The following STAG1 variants were observed in gnomAD, a reference collection of about 807,000 sequenced individuals.
STAG1 encodes the protein cohesin subunit SA-1.
A neutral mutation model predicts 170.9 loss-of-function variants in STAG1; 26 were observed. The observed-to-expected ratio is 0.15, with a 90% CI of 0.11 to 0.21. The LOEUF (loss-of-function observed/expected upper bound fraction) is 0.21. Among genes scored for constraint, STAG1 ranks in the 10% least tolerant of loss-of-function variants. STAG1 has a pLI of 1.00. For synonymous variants in STAG1, 514 were observed against 497.7 expected (o/e 1.03, Z -0.44); for missense variants, 964 against 1,509.5 (o/e 0.64, Z 5.99).
intron 4 of STAG1, among the ~76,000 whole-genome samples, chr3:136,585,374 G>A (rs139903461): frequency 4.2e-4 from 64 of 152,078 alleles, no homozygotes; most frequent in Non-Finnish European, 6.8e-4. Context: ...CCCGGGAGGC[G>A]GAGGTTGCAG....
chr3:136,712,358 C>T (rs1046629895), intron 1 of STAG1, among the ~76,000 whole-genome samples: 6 of 152,056 alleles, frequency 3.9e-5, no homozygotes, highest in African/African-American at 1.4e-4. Flanking sequence ...TATAAAAAGG[C>T]ACCACAGGCA....
chr3:136,467,866 T>C (rs976932229), intron 12 of STAG1, among the ~76,000 whole-genome samples: 2 of 152,254 alleles, frequency 1.3e-5, no homozygotes, highest in Middle Eastern at 3.4e-3. Context: ...CACTCAAAAC[T>C]GCTCAACTAC....
intron 1 of STAG1, among the ~76,000 whole-genome samples, chr3:136,745,571 T>A (rs577523416): frequency 1.3e-5 from 2 of 152,304 alleles, no homozygotes; most frequent in African/African-American, 4.8e-5. Context: ...TTTGCACTCA[T>A]ATGACAATCT....
intron 12 of STAG1, among the ~76,000 whole-genome samples, chr3:136,467,740 A>G (rs1375696938): frequency 6.6e-6 from 1 of 152,202 alleles, no homozygotes; most frequent in African/African-American, 2.4e-5. Flanking sequence ...TTATTCCAAA[A>G]TTGACCACAT....
At chr3:136,396,215 T>TTGTTTTTG (rs1411641933) in intron 22 of STAG1, among the ~76,000 whole-genome samples, 80 of 143,720 alleles carry the variant, frequency 5.6e-4, no homozygotes, top group African/African-American at 2.0e-3. Context: ...CACAGTTTTT[T>TTGTTTTTG]TTTTTTTTTT....
At chr3:136,521,455 T>C in intron 6 of STAG1, 38 bp from the exon 7 acceptor site, 4 of 1,582,280 alleles carry the variant, frequency 2.5e-6, no homozygotes, top group South Asian at 2.3e-5. Context: ...GTATGTCACA[T>C]TACAGAGTTT....
intron 1 of STAG1, among the ~76,000 whole-genome samples, chr3:136,677,939 ATAT>A (rs949139837): frequency 1.6e-4 from 23 of 147,480 alleles, no homozygotes; most frequent in East Asian, 1.6e-3. Flanking sequence ...TATATATTAT[ATAT>A]TATATTTTAT....
chr3:136,663,047 A>G (rs1941631192), intron 1 of STAG1, among the ~76,000 whole-genome samples: 1 of 152,078 alleles, frequency 6.6e-6, no homozygotes, highest in South Asian at 2.1e-4. Context: ...GTGAGACTCC[A>G]TCTCAAATAA....
chr3:136,489,645 GA>G (rs902501642), intron 9 of STAG1, among the ~76,000 whole-genome samples: 27 of 148,486 alleles, frequency 1.8e-4, no homozygotes, highest in Admixed American at 4.7e-4. Flanking sequence ...AGGCTGCGAG[GA>G]AAAAAAAAAT....
At chr3:136,485,780 T>C (rs899389853) in intron 9 of STAG1, among the ~76,000 whole-genome samples, 6 of 152,246 alleles carry the variant, frequency 3.9e-5, no homozygotes, top group Non-Finnish European at 8.8e-5. Flanking sequence ...TAGGCCTCCT[T>C]CTACAACTTG....
At chr3:136,663,904 C>G (rs1442985899) in intron 1 of STAG1, among the ~76,000 whole-genome samples, 1 of 152,020 alleles carries the variant, frequency 6.6e-6, no homozygotes, top group Non-Finnish European at 1.5e-5. Flanking sequence ...GAAACTGCAG[C>G]AAAGATAGTG....
At chr3:136,578,728 AG>A (rs1266403322) in intron 4 of STAG1, among the ~76,000 whole-genome samples, 12 of 152,324 alleles carry the variant, frequency 7.9e-5, no homozygotes, top group South Asian at 2.1e-4. Context: ...CAGTTAAATC[AG>A]GGGCTTACAG....
intron 1 of STAG1, among the ~76,000 whole-genome samples, chr3:136,683,400 A>T (rs1270490561): frequency 6.6e-6 from 1 of 152,020 alleles, no homozygotes; most frequent in African/African-American, 2.4e-5. Flanking sequence ...AGTAGCTAGG[A>T]CCACAGGTGC....
intron 1 of STAG1, among the ~76,000 whole-genome samples, chr3:136,651,234 T>C (rs907491948): frequency 2.6e-5 from 4 of 151,892 alleles, no homozygotes; most frequent in African/African-American, 9.7e-5. Flanking sequence ...ACTGTAGTGG[T>C]GCCTGCCTGT....
intron 23 of STAG1, among the ~76,000 whole-genome samples, chr3:136,370,530 T>C (rs1024228058): frequency 1.3e-5 from 2 of 152,124 alleles, no homozygotes; most frequent in East Asian, 3.9e-4. Flanking sequence ...CCCACAACAG[T>C]CCCCAGTGTG....
At chr3:136,406,254 A>C (rs1163473200) in intron 21 of STAG1, among the ~76,000 whole-genome samples, 1 of 152,218 alleles carries the variant, frequency 6.6e-6, no homozygotes, top group Non-Finnish European at 1.5e-5. Context: ...AATGTCAAAA[A>C]CATTACTTTC....
At chr3:136,381,514 G>T (rs1209892715) in intron 22 of STAG1, among the ~76,000 whole-genome samples, 1 of 152,170 alleles carries the variant, frequency 6.6e-6, no homozygotes, top group Non-Finnish European at 1.5e-5. Flanking sequence ...TAACCTTGGG[G>T]AGAGCACTTT....
At chr3:136,367,711 T>C (rs772850941) in intron 24 of STAG1, among the ~76,000 whole-genome samples, 4 of 152,150 alleles carry the variant, frequency 2.6e-5, no homozygotes, top group Non-Finnish European at 5.9e-5. Context: ...ATGAGTTAAA[T>C]TTTCAGTGCT....
intron 1 of STAG1, among the ~76,000 whole-genome samples, chr3:136,688,283 T>C (rs949614596): frequency 2.0e-5 from 3 of 152,202 alleles, no homozygotes; most frequent in Admixed American, 1.3e-4. Flanking sequence ...AGAGTTCTTA[T>C]GTAAGTGTCT....
Sources: allele counts gnomAD v4.1 joint callset (sites outside exome capture counted in the v4.1 genomes callset), GRCh38; gene constraint gnomAD v4.1.1; transcripts MANE v1.5; gene names NCBI Gene and HGNC (gene_info 2026-07-23, HGNC 2026-07-21).